The following C2CD3 variants were observed in gnomAD, a reference collection of about 807,000 sequenced individuals.
C2CD3 encodes the protein C2 domain-containing protein 3.
A neutral mutation model predicts 234.0 loss-of-function variants in C2CD3; 148 were observed. The ratio of observed to expected loss-of-function variants is 0.63; its 90% confidence interval spans 0.55 to 0.72. The LOEUF is 0.72. Ranked by LOEUF, C2CD3 falls within the 30% of genes least tolerant of loss-of-function variation. The pLI, the probability that C2CD3 is intolerant of heterozygous loss-of-function variation, is 0.00. For missense variants in C2CD3, 2,577 were observed against 2,811.5 expected, an observed-to-expected ratio of 0.92 and a Z score of 1.89; for synonymous variants, 1,000 against 1,035.4, an observed-to-expected ratio of 0.97 and a Z score of 0.66.
chr11:74,148,021 A>G (rs1855333516), intron 3 of C2CD3, among the ~76,000 whole-genome samples: 1 of 147,112 alleles, frequency 6.8e-6, no homozygotes, highest in Admixed American at 6.6e-5. Flanking sequence ...TTGAAATCTT[A>G]AATTTTACAA....
intron 24 of C2CD3, among the ~76,000 whole-genome samples, chr11:74,059,806 G>T (rs192076599): frequency 6.6e-6 from 1 of 152,186 alleles, no homozygotes; most frequent in African/African-American, 2.4e-5. Flanking sequence ...GCAGCCCATG[G>T]AACAGGGCAG....
Position 74,057,558 on chromosome 11 carries a change from A to C in C2CD3, c.4952-14T>G. ...TCAAGGGGCTCCCTGAAATAGAATA[A>C]AGTGCAGTGACTGTACTTTAGGGTA... On this transcript the variant is annotated splice_polypyrimidine_tract_variant and intron_variant, in intron 24 of 32. Coordinates refer to ENST00000334126, the MANE Select transcript of C2CD3 (RefSeq NM_001286577.2). 6.2e-7 allele frequency: 1 copy of C among 1,613,974 alleles called. No individual in the cohort carries two copies. The highest frequency in any genetic ancestry group is 8.5e-7 in the Non-Finnish European group (1 of 1,179,898).
intron 2 of C2CD3, chr11:74,164,115 C>G (rs1446568017): frequency 1.1e-6 from 1 of 878,724 alleles, no homozygotes; most frequent in African/African-American, 1.8e-5. Context: ...TTCATCACTT[C>G]TAGGACAAAA....
intron 32 of C2CD3, among the ~76,000 whole-genome samples, chr11:74,019,151 T>C (rs577912663): frequency 1.3e-5 from 2 of 152,022 alleles, no homozygotes; most frequent in Admixed American, 6.5e-5. Flanking sequence ...AAAGTCCAGG[T>C]TTTGAGAGGG....
chr11:74,071,501 C>T (rs543409400), intron 24 of C2CD3, among the ~76,000 whole-genome samples: 7 of 152,246 alleles, frequency 4.6e-5, no homozygotes, highest in East Asian at 1.9e-4. Context: ...TTCTGCAGAG[C>T]GCATTAACTA....
intron 9 of C2CD3, among the ~76,000 whole-genome samples, chr11:74,117,128 G>A (rs867579141): frequency 8.4e-5 from 2 of 23,832 alleles, no homozygotes; most frequent in Non-Finnish European, 1.3e-4. Flanking sequence ...ATATATATAT[G>A]AATATATATA....
intron 3 of C2CD3, among the ~76,000 whole-genome samples, chr11:74,145,103 CA>C (rs750220592): frequency 8.5e-5 from 13 of 152,144 alleles, no homozygotes; most frequent in Non-Finnish European, 1.8e-4. Flanking sequence ...ACTGCTGGGT[CA>C]AATCGTAGTT....
In C2CD3 at chr11:74,033,726, C is replaced by G. The variant is rs541932402; in HGVS notation, c.6434G>C (p.Gly2145Ala). 14 of 1,536,370 alleles carry G rather than the reference C, an allele frequency of 9.1e-6. No homozygotes were observed. The African/African-American group carries it at 9.6e-5, about 11-fold the overall frequency. The change falls in exon 31 of 33, where the codon GGT becomes GCT. Residue 2145 changes from glycine (G) to alanine (A), a missense_variant. By Grantham distance (60) the Gly-to-Ala change is moderately conservative (BLOSUM62 0). Transcript: ENST00000334126. ...AGCAACAAGACTTTGGCTAGGAGAA[C>G]CCTGCCTAGGCAGGTGGGGGTTGAC... is the stretch of plus-strand genomic sequence containing the variant. ...RAVNPHLPRQ[G>A]SPSQSLVACE...
chr11:74,113,679 CAAAAAA>C (rs548567656), intron 11 of C2CD3, 95 bp downstream of exon 11: 200 of 484,966 alleles, frequency 4.1e-4, no homozygotes, highest in East Asian at 5.3e-4. Flanking sequence ...GACTCCATGT[CAAAAAA>C]AAAAAAAAAA....
rs1054491022 is a variant in C2CD3 at position 74,033,587 on chromosome 11, T to C, written c.6573A>G (p.Gly2191=). 2.0e-6 allele frequency: 3 copies of C among 1,536,060 alleles called. No individual in the cohort carries two copies. The highest frequency in any genetic ancestry group is 2.7e-5 in the African/African-American group (2 of 73,028). ...TCTGATCTGTCTGTGGTGAGCTCCATCCAACAAACGTGCTGCTCTGTTGAG... is the reference window on the plus strand; with the variant it reads ...TCTGATCTGTCTGTGGTGAGCTCCACCCAACAAACGTGCTGCTCTGTTGAG... ...SGAQQSSTFV[G]WSSPQTDQNK... is the part of the protein sequence containing the mutation. Residue 2191 remains glycine (G), a synonymous_variant, in exon 31 of 33, where the codon GGA becomes GGG. Transcript: ENST00000334126.
At position 74,103,581 on chromosome 11, in the gene C2CD3, G is replaced by T; in HGVS notation, c.2130C>A (p.Ile710=). Residue 710 remains isoleucine, a synonymous_variant, in exon 14 of 33, where the codon ATC becomes ATA. Transcript: ENST00000334126. ...GGGTGTTGCCACTTAACTTAGTATTGATACCAGTGAAATCTTTGTTATCTG... is the reference window on the plus strand; with the variant it reads ...GGGTGTTGCCACTTAACTTAGTATTTATACCAGTGAAATCTTTGTTATCTG... ...LITDNKDFTG[I]NTKLSGNTHY... The T allele has an allele frequency of 6.2e-7, 1 of 1,612,840 alleles. No homozygotes were observed. The highest frequency in any genetic ancestry group is 8.5e-7 in the Non-Finnish European group (1 of 1,179,472).
intron 23 of C2CD3, among the ~76,000 whole-genome samples, chr11:74,074,903 G>C (rs957800166): frequency 6.6e-6 from 1 of 150,640 alleles, no homozygotes; most frequent in Non-Finnish European, 1.5e-5. Flanking sequence ...GGGCAACATG[G>C]TAAAACCCTA....
At chr11:74,169,088 G>T (rs1470111669) in intron 1 of C2CD3, among the ~76,000 whole-genome samples, 2 of 152,084 alleles carry the variant, frequency 1.3e-5, no homozygotes, top group Non-Finnish European at 2.9e-5. Context: ...CGATAAAACA[G>T]CAACAACTCC....
At chr11:74,042,878 A>G (rs1953142854) in intron 28 of C2CD3, among the ~76,000 whole-genome samples, 1 of 152,232 alleles carries the variant, frequency 6.6e-6, no homozygotes, top group Admixed American at 6.5e-5. Context: ...CATTCAACAT[A>G]TATTACGCCA....
rs1045771651 is a variant in C2CD3 at position 74,114,383 on chromosome 11, C to T, written c.1730+1G>A. On this transcript the variant is annotated splice_donor_variant, in intron 10 of 32. Transcript: ENST00000334126. LOFTEE classifies it high-confidence loss of function. ...TTAGCTTTCTCATGTTAGAGACATA[C>T]CGCTTTTTTGCTGTAGTCACCTTAG... The T allele has an allele frequency of 2.5e-6, 4 of 1,611,088 alleles. No homozygotes were observed. Among genetic ancestry groups the T allele is most frequent in the Non-Finnish European group, 2.5e-6 (3 of 1,177,748 alleles).
chr11:74,080,862 T>C (rs1428308926), intron 22 of C2CD3, among the ~76,000 whole-genome samples: 3 of 152,164 alleles, frequency 2.0e-5, no homozygotes, highest in Non-Finnish European at 4.4e-5. Flanking sequence ...ATCTTACTAT[T>C]TCCATTACAG....
chr11:74,093,681 C>T, intron 18 of C2CD3, 135 bp downstream of exon 18: 1 of 596,658 alleles, frequency 1.7e-6, no homozygotes, highest in Non-Finnish European at 2.8e-6. Flanking sequence ...ACTGTCAAAT[C>T]CAAATAACAT....
chr11:74,110,687 A>G (rs1246927036), intron 11 of C2CD3: 5 of 152,218 alleles, frequency 3.3e-5, no homozygotes. Flanking sequence ...CACTGTTACT[A>G]TATTTCTTAT....
At chr11:74,100,083 C>T (rs542657152) in intron 15 of C2CD3, among the ~76,000 whole-genome samples, 3 of 152,086 alleles carry the variant, frequency 2.0e-5, no homozygotes, top group Non-Finnish European at 4.4e-5. Flanking sequence ...ACTGAAGTTC[C>T]GTGACAGAAT....
Sources: gnomAD v4.1 joint callset for allele counts (sites outside exome capture counted in the v4.1 genomes callset) on GRCh38, gnomAD v4.1.1 for gene constraint, MANE v1.5 for transcripts, NCBI Gene and HGNC (gene_info 2026-07-23, HGNC 2026-07-21) for gene names.